ARHGAP24: variants seen among roughly 807,000 people sequenced by gnomAD.
ARHGAP24 encodes the protein Rho GTPase activating protein 24, also known as rho GTPase-activating protein 24.
A neutral mutation model predicts 76.4 loss-of-function variants in ARHGAP24; 50 were observed. The observed-to-expected ratio is 0.65, with a 90% CI of 0.52 to 0.83. The LOEUF (loss-of-function observed/expected upper bound fraction) is 0.83, where lower values mean the gene tolerates loss of function less well. Among genes scored for constraint, ARHGAP24 ranks in the 40% least tolerant of loss-of-function variants. The probability of loss-of-function intolerance (pLI) is 0.00; values close to 1 mark genes in which losing one functional copy is unlikely to be tolerated. For missense variants in ARHGAP24, 930 were observed against 914.2 expected (o/e 1.02, Z -0.22); for synonymous variants, 345 against 323.3 (o/e 1.07, Z -0.72).
chr4:85,844,356 A>G (rs1010455395), intron 3 of ARHGAP24, among the ~76,000 whole-genome samples: 3 of 152,226 alleles, frequency 2.0e-5, no homozygotes, highest in Non-Finnish European at 4.4e-5. Flanking sequence ...CCTACATATT[A>G]TAAGCTATTA....
intron 3 of ARHGAP24, among the ~76,000 whole-genome samples, chr4:85,735,619 G>C (rs1725579608): frequency 6.6e-6 from 1 of 151,968 alleles, no homozygotes; most frequent in African/African-American, 2.4e-5. Context: ...ACCATTACTT[G>C]TTAGTCTTCT....
At chr4:85,650,374 CATT>C (rs1331183090) in intron 2 of ARHGAP24, among the ~76,000 whole-genome samples, 1 of 149,564 alleles carries the variant, frequency 6.7e-6, no homozygotes, top group Non-Finnish European at 1.5e-5. Flanking sequence ...GTGTATGTAA[CATT>C]GTTGTAAACA....
Position 85,994,848 on chromosome 4 carries a change from C to G in ARHGAP24, c.1194C>G (p.Ser398Arg), listed in dbSNP as rs1486295709. 3 of 1,614,134 alleles carry G rather than the reference C, an allele frequency of 1.9e-6. No individual in the cohort carries two copies. Among genetic ancestry groups the G allele is most frequent in the Non-Finnish European group, 1.7e-6 (2 of 1,180,020 alleles). The change falls in exon 9 of 10, where the codon AGC (serine) becomes AGG (arginine). Residue 398 changes from serine to arginine, a missense_variant. Transcript: ENST00000395184. ...NNGSPTALSG[S>R]KTNSPKNSVH... ...GATCCCCCACAGCTCTATCAGGCAG[C>G]AAAACCAACAGCCCAAAGAACAGTG...
intron 2 of ARHGAP24, among the ~76,000 whole-genome samples, chr4:85,685,169 T>A (rs1723371414): frequency 6.6e-6 from 1 of 152,228 alleles, no homozygotes; most frequent in East Asian, 1.9e-4. Flanking sequence ...CACTTGCTAC[T>A]TTTTTAATGT....
chr4:85,925,477 T>TA (rs909684101), intron 4 of ARHGAP24, among the ~76,000 whole-genome samples: 13 of 152,190 alleles, frequency 8.5e-5, no homozygotes, highest in African/African-American at 3.1e-4. Flanking sequence ...CGTGAAAAGG[T>TA]AAAAAATTCC....
chr4:85,531,058 G>A (rs1001548416), intron 1 of ARHGAP24, among the ~76,000 whole-genome samples: 12 of 151,888 alleles, frequency 7.9e-5, no homozygotes, highest in South Asian at 4.1e-4. Context: ...GCATGAAATC[G>A]TTTTTTCCTT....
chr4:85,682,196 G>A (rs867382811), intron 2 of ARHGAP24, among the ~76,000 whole-genome samples: 3 of 152,164 alleles, frequency 2.0e-5, no homozygotes, highest in Non-Finnish European at 4.4e-5. Context: ...CTGCCATTGC[G>A]TTAAAAACAA....
Position 85,780,827 on chromosome 4 carries a change from T to C in ARHGAP24, c.268+58855T>C, listed in dbSNP as rs550389263. Among the ~76,000 whole-genome samples, 4 of 152,340 alleles carry C rather than the reference T, an allele frequency of 2.6e-5. 1 individual carries two copies. The highest frequency in any genetic ancestry group is 9.6e-5 in the African/African-American group (4 of 41,580). ...CCAAGTTCTTAGTTGTGTTCTGTAG[T>C]AGAGGTTGCCATGGAAGTAGTTCTG... is the stretch of plus-strand genomic sequence containing the variant. On this transcript the variant is annotated intron_variant, in intron 3 of 9. Coordinates refer to ENST00000395184, the MANE Select transcript of ARHGAP24 (RefSeq NM_001025616.3).
At position 85,868,569 on chromosome 4, in the gene ARHGAP24, A is replaced by G. The variant is rs370521209; in HGVS notation, c.269-55079A>G. On this transcript the variant is annotated intron_variant, in intron 3 of 9. Transcript: ENST00000395184. ...CTATAAAATAAATATTTATGAGTGGATATTATACACTAAATATAATGTGGT... is the reference window on the plus strand; with the variant it reads ...CTATAAAATAAATATTTATGAGTGGGTATTATACACTAAATATAATGTGGT... 2.0e-5 allele frequency among the ~76,000 whole-genome samples: 3 copies of G among 152,150 alleles called. No homozygotes were observed. The East Asian group carries it at 5.8e-4, about 29-fold the overall frequency.
At chr4:85,519,056 G>A (rs1400477660) in intron 1 of ARHGAP24, among the ~76,000 whole-genome samples, 3 of 151,934 alleles carry the variant, frequency 2.0e-5, no homozygotes, top group African/African-American at 4.8e-5. Flanking sequence ...TGAAAAAAAC[G>A]CTCAACATCA....
intron 3 of ARHGAP24, among the ~76,000 whole-genome samples, chr4:85,734,948 A>G (rs923557236): frequency 6.6e-6 from 1 of 152,088 alleles, no homozygotes; most frequent in African/African-American, 2.4e-5. Flanking sequence ...AATTTAATGG[A>G]TATTCCCCTA....
intron 1 of ARHGAP24, among the ~76,000 whole-genome samples, chr4:85,504,625 G>C (rs1455857231): frequency 6.6e-6 from 1 of 152,148 alleles, no homozygotes; most frequent in East Asian, 1.9e-4. Flanking sequence ...CTGCACATGA[G>C]ACGGGTCTCC....
intron 3 of ARHGAP24, among the ~76,000 whole-genome samples, chr4:85,733,244 T>A (rs112826066): frequency 0.074 from 11,177 of 150,754 alleles, 475 homozygotes; most frequent in Middle Eastern, 0.1. Context: ...TTTGTATTTT[T>A]AGCAGAGACA....
intron 5 of ARHGAP24, among the ~76,000 whole-genome samples, chr4:85,961,824 C>A (rs1010938604): frequency 2.0e-5 from 3 of 151,870 alleles, no homozygotes; most frequent in Non-Finnish European, 4.4e-5. Context: ...ATAAATGTAC[C>A]CCTCAGCATG....
chr4:85,646,340 G>A (rs2109975668), intron 2 of ARHGAP24, among the ~76,000 whole-genome samples: 1 of 151,878 alleles, frequency 6.6e-6, no homozygotes, highest in East Asian at 1.9e-4. Context: ...AGGAATTACA[G>A]GCTTTTAGAC....
rs61576453 is a variant in ARHGAP24 at position 85,898,033 on chromosome 4, G to GTATA, written c.269-25592_269-25589dup. On this transcript the variant is annotated intron_variant, in intron 3 of 9. Transcript: ENST00000395184. ...TATATATATACACACACATATATGT[G>GTATA]TATATATATATATATATATATATAT... 4.0e-3 allele frequency among the ~76,000 whole-genome samples: 536 copies of GTATA among 134,620 alleles called. 2 individuals are homozygous for GTATA. The highest frequency in any genetic ancestry group is 5.0e-3 in the East Asian group (22 of 4,378). 88.3% of individuals were successfully genotyped at this position (134,620 alleles called of 152,430 possible).
In ARHGAP24 at chr4:85,927,830, A is replaced by G. The variant is rs547337637; in HGVS notation, c.391+4060A>G. Among the ~76,000 whole-genome samples the G allele has an allele frequency of 4.6e-5, 7 of 152,352 alleles. No individual in the cohort carries two copies. The East Asian group carries it at 1.3e-3, about 29-fold the overall frequency. ...TTATCTTTATTCAGGTTGCACATAT[A>G]TGCAAAATATTCCCTCTTTGCCATT... On this transcript the variant is annotated intron_variant, in intron 4 of 9. Coordinates refer to ENST00000395184, the MANE Select transcript of ARHGAP24 (RefSeq NM_001025616.3).
chr4:85,982,361 G>A (rs13130578), intron 8 of ARHGAP24, among the ~76,000 whole-genome samples: 32,363 of 101,304 alleles, frequency 0.32, 3,690 homozygotes, highest in South Asian at 0.49. Flanking sequence ...AGGTGCACAA[G>A]TAGATAAGTT....
At chr4:85,786,275 T>C (rs1727838734) in intron 3 of ARHGAP24, among the ~76,000 whole-genome samples, 1 of 152,246 alleles carries the variant, frequency 6.6e-6, no homozygotes, top group Non-Finnish European at 1.5e-5. Context: ...TTAATTCCAT[T>C]GCAAAGTCTC....
Sources: gnomAD v4.1 joint callset for allele counts (sites outside exome capture counted in the v4.1 genomes callset) on GRCh38, gnomAD v4.1.1 for gene constraint, MANE v1.5 for transcripts, NCBI Gene and HGNC (gene_info 2026-07-23, HGNC 2026-07-21) for gene names.